The following CRTAC1 variants were observed in gnomAD, a reference collection of about 807,000 sequenced individuals.
The protein encoded by CRTAC1 is cartilage acidic protein 1, also known as acidic secreted protein in cartilage.
A neutral mutation model predicts 67.8 loss-of-function variants in CRTAC1; 37 were observed. The ratio of observed to expected loss-of-function variants is 0.55; its 90% CI spans 0.42 to 0.72. CRTAC1 has a LOEUF of 0.72. Among genes scored for constraint, CRTAC1 ranks in the 30% least tolerant of loss-of-function variants. The pLI is 0.00. For missense variants in CRTAC1, 780 were observed against 931.6 expected (o/e 0.84, Z 2.12); for synonymous variants, 348 against 371.0 (o/e 0.94, Z 0.71).
intron 2 of CRTAC1, among the ~76,000 whole-genome samples, chr10:97,985,856 T>G (rs1330548638): frequency 6.6e-6 from 1 of 152,098 alleles, no homozygotes; most frequent in Admixed American, 6.5e-5. Flanking sequence ...TGCACTGAAA[T>G]AAGAACTCAC....
chr10:97,991,099 C>CAAAAAAAAAAAAAAAAAAAA (rs757267901), intron 2 of CRTAC1, among the ~76,000 whole-genome samples: 1 of 17,978 alleles, frequency 5.6e-5, no homozygotes, highest in Admixed American at 6.1e-4. Context: ...ACCATCTCTA[C>CAAAAAAAAAAAAAAAAAAAA]AAAAAAAAAA....
At chr10:97,894,104 T>C (rs2050416261) in intron 11 of CRTAC1, among the ~76,000 whole-genome samples, 1 of 152,222 alleles carries the variant, frequency 6.6e-6, no homozygotes, top group African/African-American at 2.4e-5. Context: ...GTGAGATAAG[T>C]GGCTTGCGAT....
intron 11 of CRTAC1, among the ~76,000 whole-genome samples, chr10:97,893,796 G>A (rs7081221): frequency 0.18 from 26,926 of 151,814 alleles, 2,401 homozygotes; most frequent in Non-Finnish European, 0.2. Flanking sequence ...TCTGTTTTCC[G>A]TCTTTATAAT....
chr10:97,978,887 ATTC>A (rs776062156), intron 2 of CRTAC1, among the ~76,000 whole-genome samples: 1 of 152,272 alleles, frequency 6.6e-6, no homozygotes, highest in Admixed American at 6.5e-5. Context: ...CTCGTCTACC[ATTC>A]TTCTTCCAGC....
Position 97,913,114 on chromosome 10 carries a change from C to CAG in CRTAC1, c.715+4384_715+4385dup, listed in dbSNP as rs71488844. 6.2e-3 allele frequency among the ~76,000 whole-genome samples: 930 copies of CAG among 149,310 alleles called. 8 individuals carry two copies. Among genetic ancestry groups the CAG allele is most frequent in the African/African-American group, 0.013 (512 of 40,766 alleles). ...TGGAAACGTGGTGCAGGAATGGGCA[C>CAG]AGAGAGAGAGAGAGAGAGAGAGTGT... On this transcript the variant is annotated intron_variant, in intron 5 of 14. Coordinates refer to ENST00000370597, the MANE Select transcript of CRTAC1 (RefSeq NM_018058.7).
chr10:97,947,325 C>A (rs955446457), intron 2 of CRTAC1, among the ~76,000 whole-genome samples: 2 of 152,182 alleles, frequency 1.3e-5, no homozygotes, highest in Admixed American at 1.3e-4. Flanking sequence ...CAATCCCAAG[C>A]TTTCAGAGGG....
At chr10:97,904,958 G>T in intron 6 of CRTAC1, 144 bp from the exon 7 acceptor site, 1 of 949,638 alleles carries the variant, frequency 1.1e-6, no homozygotes, top group Non-Finnish European at 1.5e-6. Flanking sequence ...CATAGCTGCA[G>T]TCTCAGAAGC....
intron 14 of CRTAC1, chr10:97,879,695 T>C: frequency 1.3e-6 from 2 of 1,549,260 alleles, no homozygotes; most frequent in East Asian, 2.4e-5. Context: ...AAAGTGCATA[T>C]AACTGAAGGC....
intron 1 of CRTAC1, among the ~76,000 whole-genome samples, chr10:98,026,775 G>A (rs963015090): frequency 2.0e-5 from 3 of 152,200 alleles, no homozygotes; most frequent in African/African-American, 7.2e-5. Flanking sequence ...TCAGAATTCT[G>A]GCTTGGCAGC....
At chr10:97,883,396 C>G (rs1192120085) in intron 12 of CRTAC1, among the ~76,000 whole-genome samples, 3 of 152,238 alleles carry the variant, frequency 2.0e-5, no homozygotes, top group African/African-American at 7.2e-5. Flanking sequence ...TGTGGAGGCT[C>G]TACCATGCCC....
chr10:97,929,985 T>C (rs1248076671), intron 3 of CRTAC1, among the ~76,000 whole-genome samples: 1 of 152,200 alleles, frequency 6.6e-6, no homozygotes, highest in Non-Finnish European at 1.5e-5. Flanking sequence ...GTCCCTGATG[T>C]AAATGCTGAC....
At chr10:98,012,307 T>C (rs1310358335) in intron 1 of CRTAC1, among the ~76,000 whole-genome samples, 1 of 152,028 alleles carries the variant, frequency 6.6e-6, no homozygotes, top group African/African-American at 2.4e-5. Context: ...GTGGAGGGAT[T>C]CCACCCCCCT....
intron 3 of CRTAC1, among the ~76,000 whole-genome samples, chr10:97,928,083 C>T (rs1398832373): frequency 6.6e-6 from 1 of 152,196 alleles, no homozygotes; most frequent in Non-Finnish European, 1.5e-5. Flanking sequence ...GTGGGAGAAA[C>T]AGGAGAGCAT....
At chr10:98,024,064 G>A (rs1262466612) in intron 1 of CRTAC1, among the ~76,000 whole-genome samples, 4 of 152,210 alleles carry the variant, frequency 2.6e-5, no homozygotes, top group African/African-American at 9.6e-5. Context: ...TACATCAATA[G>A]AGGGCTGGAA....
intron 6 of CRTAC1, among the ~76,000 whole-genome samples, chr10:97,907,707 T>C (rs973812406): frequency 6.6e-6 from 1 of 151,938 alleles, no homozygotes; most frequent in Non-Finnish European, 1.5e-5. Context: ...GCTTGGAGGA[T>C]AGGTTGATGC....
chr10:97,913,388 G>A (rs2050716850), intron 5 of CRTAC1, among the ~76,000 whole-genome samples: 1 of 152,180 alleles, frequency 6.6e-6, no homozygotes, highest in South Asian at 2.1e-4. Flanking sequence ...AAGGCAAGGG[G>A]TGGGGCAGCA....
Position 97,989,017 on chromosome 10 carries a change from C to T in CRTAC1, c.224+22121G>A, listed in dbSNP as rs181771505. Among the ~76,000 whole-genome samples the T allele has an allele frequency of 7.5e-4, 114 of 152,286 alleles. 1 individual carries two copies. The highest frequency in any genetic ancestry group is 2.1e-3 in the African/African-American group (89 of 41,570). ...TGTTGAGGGCATGAGTAGAAAAACA[C>T]GCAGAGGAAGGAGGAATTTGCCCCT... On this transcript the variant is annotated intron_variant, in intron 2 of 14. Coordinates refer to ENST00000370597, the MANE Select transcript of CRTAC1 (RefSeq NM_018058.7).
chr10:97,890,192 C>T (rs1169772464), intron 11 of CRTAC1, among the ~76,000 whole-genome samples: 4 of 152,280 alleles, frequency 2.6e-5, no homozygotes, highest in South Asian at 2.1e-4. Flanking sequence ...TCATAGCTCA[C>T]TACAGCCTCA....
chr10:98,021,236 C>T lies in CRTAC1; in HGVS notation c.24+9213G>A, dbSNP rs138618258. Among the ~76,000 whole-genome samples, 4 of 152,240 alleles carry T rather than the reference C, an allele frequency of 2.6e-5. No individual in the cohort carries two copies. The East Asian group carries it at 7.7e-4, about 29-fold the overall frequency. ...ACTCCAGACCTCTACAACTCCCTACCCCCCAGAAGGTGGCATGTTTCATGC... is the reference window on the plus strand; with the variant it reads ...ACTCCAGACCTCTACAACTCCCTACTCCCCAGAAGGTGGCATGTTTCATGC... On this transcript the variant is annotated intron_variant, in intron 1 of 14. Coordinates refer to ENST00000370597, the MANE Select transcript of CRTAC1 (RefSeq NM_018058.7).
Sources: allele counts gnomAD v4.1 joint callset (sites outside exome capture counted in the v4.1 genomes callset), GRCh38; gene constraint gnomAD v4.1.1; transcripts MANE v1.5; gene names NCBI Gene and HGNC (gene_info 2026-07-23, HGNC 2026-07-21).